MTOR: variants seen among roughly 807,000 people sequenced by gnomAD.
MTOR encodes the protein serine/threonine-protein kinase mTOR.
In MTOR, 70 loss-of-function variants were observed where a neutral mutation model predicts 319.8. The ratio of observed to expected loss-of-function variants is 0.22; its 90% CI spans 0.18 to 0.27. The LOEUF (loss-of-function observed/expected upper bound fraction) is 0.27. Among genes scored for constraint, MTOR ranks in the 10% least tolerant of loss-of-function variants. The pLI is 1.00. For missense variants in MTOR, 1,890 were observed against 3,274.4 expected, an observed-to-expected ratio of 0.58 and a Z score of 10.32; for synonymous variants, 1,183 against 1,211.4, an observed-to-expected ratio of 0.98 and a Z score of 0.49.
intron 32 of MTOR, among the ~76,000 whole-genome samples, chr1:11,145,817 T>A (rs1470596051): frequency 1.3e-5 from 2 of 152,156 alleles, no homozygotes; most frequent in African/African-American, 4.8e-5. Flanking sequence ...GGATCTACCC[T>A]CTTTTAACTT....
Position 11,114,468 on chromosome 1 carries a change from G to A in MTOR, c.7165-15C>T, listed in dbSNP as rs754954596. 1 of 1,614,144 alleles carries A rather than the reference G, an allele frequency of 6.2e-7. No homozygotes were observed. ...AGGCCTGTAACCTAGAAATGGGACA[G>A]AGCCACTCACCACAGGAGTTACTAA... On this transcript the variant is annotated splice_polypyrimidine_tract_variant and intron_variant, in intron 52 of 57. Transcript: ENST00000361445.
At chr1:11,256,326 T>A in intron 4 of MTOR, 134 bp from the exon 5 acceptor site, 1 of 1,448,964 alleles carries the variant, frequency 6.9e-7, no homozygotes, top group Non-Finnish European at 9.1e-7. Context: ...GCTAGGAAAT[T>A]CTGAGGACAG....
chr1:11,159,804 C>A (rs1644419473), intron 29 of MTOR, among the ~76,000 whole-genome samples: 1 of 152,156 alleles, frequency 6.6e-6, no homozygotes, highest in Non-Finnish European at 1.5e-5. Flanking sequence ...GGCTCCTGAT[C>A]AAGGCAAACC....
intron 1 of MTOR, among the ~76,000 whole-genome samples, chr1:11,261,050 C>A (rs1187980579): frequency 6.6e-6 from 1 of 151,740 alleles, no homozygotes; most frequent in African/African-American, 2.4e-5. Flanking sequence ...CCTTGGCCTC[C>A]CAAAGTGCTG....
chr1:11,125,495 C>A (rs1038460264), intron 46 of MTOR, among the ~76,000 whole-genome samples: 7 of 151,846 alleles, frequency 4.6e-5, no homozygotes, highest in Admixed American at 2.6e-4. Flanking sequence ...TTGTGGGAGG[C>A]CAAGCTGGGC....
Position 11,130,508 on chromosome 1 carries a change from TAAGG to T in MTOR, c.5613+17_5613+20del, listed in dbSNP as rs778952449. 1.9e-6 allele frequency: 3 copies of T among 1,603,670 alleles called. No homozygotes were observed. Among genetic ancestry groups the T allele is most frequent in the South Asian group, 2.2e-5 (2 of 90,632 alleles). On this transcript the variant is annotated intron_variant, in intron 39 of 57. Coordinates refer to ENST00000361445, the MANE Select transcript of MTOR (RefSeq NM_004958.4). ...GCCTGGCACCTTGGTTGGTTGTTAA[TAAGG>T]AAGAAGGGAAGGGTACCTCAGTGAC...
At chr1:11,222,842 A>G (rs186259411) in intron 19 of MTOR, among the ~76,000 whole-genome samples, 3 of 152,244 alleles carry the variant, frequency 2.0e-5, no homozygotes, top group Non-Finnish European at 4.4e-5. Context: ...GGAAATAACT[A>G]CCAATGAATG....
At chr1:11,142,866 A>C (rs1284681390) in intron 34 of MTOR, among the ~76,000 whole-genome samples, 1 of 152,222 alleles carries the variant, frequency 6.6e-6, no homozygotes, top group East Asian at 1.9e-4. Context: ...AACCAAAAGC[A>C]TTGGTGCAAC....
chr1:11,187,413 A>G (rs1571105480), intron 28 of MTOR, among the ~76,000 whole-genome samples: 1 of 152,252 alleles, frequency 6.6e-6, no homozygotes, highest in Non-Finnish European at 1.5e-5. Flanking sequence ...GGAGCACGCA[A>G]CCTAGATCCC....
At chr1:11,163,237 T>C (rs1269084759) in intron 29 of MTOR, among the ~76,000 whole-genome samples, 1 of 152,174 alleles carries the variant, frequency 6.6e-6, no homozygotes, top group Admixed American at 6.5e-5. Flanking sequence ...AAGAGCTAAC[T>C]ATCCTAAATA....
In MTOR at chr1:11,106,598, G is replaced by C; in HGVS notation, c.*887C>G. ...TTATTCTGATACAACATGGTGTCTAGACATGGCTACACTTTATACTTTGTG... is the reference window on the plus strand; with the variant it reads ...TTATTCTGATACAACATGGTGTCTACACATGGCTACACTTTATACTTTGTG... On this transcript the variant is annotated 3_prime_UTR_variant, in exon 58 of 58. Transcript: ENST00000361445. 9.3e-7 allele frequency: 1 copy of C among 1,076,234 alleles called. No homozygotes were observed. Among genetic ancestry groups the C allele is most frequent in the Non-Finnish European group, 1.1e-6 (1 of 885,402 alleles). 66.7% of individuals were successfully genotyped at this position (1,076,234 alleles called of 1,614,324 possible). A position where few individuals can be genotyped will look rare whatever the true frequency, so the allele number is the denominator to read the frequency against.
At chr1:11,126,875 T>C in intron 45 of MTOR, 79 bp from the exon 46 acceptor site, 2 of 1,579,446 alleles carry the variant, frequency 1.3e-6, no homozygotes, top group East Asian at 2.2e-5. Context: ...TTTCAGTGGA[T>C]TGCTAATAAC....
intron 28 of MTOR, among the ~76,000 whole-genome samples, chr1:11,182,716 T>C (rs1645197640): frequency 6.6e-6 from 1 of 152,220 alleles, no homozygotes. Context: ...ACAATGGGGT[T>C]GTTTGCTCAG....
At chr1:11,192,320 G>T (rs762184646) in intron 28 of MTOR, 1 of 1,613,976 alleles carries the variant, frequency 6.2e-7, no homozygotes, top group Non-Finnish European at 8.5e-7. Context: ...CCGCATCTCT[G>T]GAGTGTATAA....
chr1:11,192,130 C>G, intron 28 of MTOR: 4 of 682,100 alleles, frequency 5.9e-6, no homozygotes, highest in Non-Finnish European at 1.0e-5. Flanking sequence ...CCCATATCCA[C>G]CTCTCCCAAA....
intron 38 of MTOR, chr1:11,132,057 T>C (rs1643188611): frequency 6.6e-6 from 1 of 152,162 alleles, no homozygotes; most frequent in South Asian, 2.1e-4. Flanking sequence ...CTGGCATGCA[T>C]ACAGGGCCAT....
intron 5 of MTOR, among the ~76,000 whole-genome samples, chr1:11,255,216 C>T (rs140768937): frequency 0.011 from 1,654 of 151,912 alleles, 66 homozygotes; most frequent in South Asian, 0.066. Flanking sequence ...AACCCTGTCT[C>T]TACTAAAAAC....
At chr1:11,186,357 C>T (rs951538354) in intron 28 of MTOR, among the ~76,000 whole-genome samples, 2 of 152,084 alleles carry the variant, frequency 1.3e-5, no homozygotes, top group African/African-American at 4.8e-5. Context: ...GCCCTGTGAC[C>T]CTCAGACTAC....
chr1:11,232,846 G>A (rs888246260), intron 15 of MTOR: 1 of 518,262 alleles, frequency 1.9e-6, no homozygotes, highest in Admixed American at 3.2e-5. Context: ...CTGCACTCCA[G>A]CCTGGACAAA....
Sources: allele counts gnomAD v4.1 joint callset (sites outside exome capture counted in the v4.1 genomes callset), GRCh38; gene constraint gnomAD v4.1.1; transcripts MANE v1.5; gene names NCBI Gene and HGNC (gene_info 2026-07-23, HGNC 2026-07-21).